Variants in PLXDC2 observed in about 807,000 individuals in gnomAD.
The protein encoded by PLXDC2 is plexin domain containing 2.
Under a neutral mutation model 68.9 loss-of-function variants are expected in PLXDC2, and 40 were observed. That is an observed-to-expected ratio of 0.58 (90% CI 0.45 to 0.76). The LOEUF (loss-of-function observed/expected upper bound fraction) is 0.76. PLXDC2 is among the 30% of genes least tolerant of loss of function. The pLI is 0.00. For synonymous variants in PLXDC2, 243 were observed against 234.2 expected (o/e 1.04, Z -0.34); for missense variants, 644 against 661.9 (o/e 0.97, Z 0.30).
chr10:20,202,735 G>A (rs1427773865), intron 9 of PLXDC2, among the ~76,000 whole-genome samples: 1 of 152,080 alleles, frequency 6.6e-6, no homozygotes, highest in Non-Finnish European at 1.5e-5. Context: ...ATTTTCAAAT[G>A]AATGAATACT....
At position 20,164,476 on chromosome 10, in the gene PLXDC2, C is replaced by CA; in HGVS notation, c.792_793insA (p.Leu265IlefsTer39). On this transcript the variant is annotated frameshift_variant, in exon 7 of 14. Transcript: ENST00000377252. LOFTEE classifies it high-confidence loss of function. ...GCTTTGTTTTTTTCCAGATTCCTGT[C>CA]TTGGTCACACAGATAAGTTCAACCA... The CA allele has an allele frequency of 6.2e-7, 1 of 1,612,414 alleles. No individual in the cohort carries two copies. Among genetic ancestry groups the CA allele is most frequent in the South Asian group, 1.1e-5 (1 of 91,054 alleles).
Position 20,009,649 on chromosome 10 carries a change from T to C in PLXDC2, c.324+7663T>C, listed in dbSNP as rs1046935289. Among the ~76,000 whole-genome samples, 5 of 150,974 alleles carry C rather than the reference T, an allele frequency of 3.3e-5. No individual in the cohort carries two copies. The Admixed American group carries it at 3.3e-4, about 10-fold the overall frequency. ...TAGGCAGAAGGAGACCTTTGTTCTGTAGAGAGGCAGGATTAATGCAGTGAT... is the reference window on the plus strand; with the variant it reads ...TAGGCAGAAGGAGACCTTTGTTCTGCAGAGAGGCAGGATTAATGCAGTGAT... On this transcript the variant is annotated intron_variant, in intron 2 of 13. Coordinates refer to ENST00000377252, the MANE Select transcript of PLXDC2 (RefSeq NM_032812.9).
intron 12 of PLXDC2, among the ~76,000 whole-genome samples, chr10:20,219,822 T>G (rs569461176): frequency 6.6e-6 from 1 of 152,274 alleles, no homozygotes; most frequent in South Asian, 2.1e-4. Context: ...GCAGCATCTT[T>G]ATGTAAATGT....
intron 2 of PLXDC2, among the ~76,000 whole-genome samples, chr10:20,037,530 T>C (rs1314795901): frequency 6.6e-6 from 1 of 152,148 alleles, no homozygotes; most frequent in Non-Finnish European, 1.5e-5. Context: ...GAAATAGTCT[T>C]TGGGGCTCAT....
intron 4 of PLXDC2, among the ~76,000 whole-genome samples, chr10:20,090,053 G>A (rs1215770961): frequency 6.6e-6 from 1 of 152,136 alleles, no homozygotes; most frequent in Admixed American, 6.6e-5. Flanking sequence ...TGTCAAGGAA[G>A]CTGGCTCACC....
chr10:19,816,839 G>T lies in PLXDC2; in HGVS notation c.-241G>T. ...GGTTGTTGTTCAGTGTCGGGTGAGG[G>T]CTGCGAGTGTGGCAAGTTGCAAAGA... On this transcript the variant is annotated 5_prime_UTR_variant, in exon 1 of 14. Transcript: ENST00000377252. 3.5e-6 allele frequency: 2 copies of T among 572,190 alleles called. No individual in the cohort carries two copies. The highest frequency in any genetic ancestry group is 4.3e-5 in the South Asian group (2 of 46,778). The allele number at this position is 572,190 out of a possible 1,614,324, so 35.4% of individuals were successfully genotyped here. A position where few individuals can be genotyped will look rare whatever the true frequency, so the allele number is the denominator to read the frequency against.
chr10:20,025,836 C>G (rs774123795), intron 2 of PLXDC2, among the ~76,000 whole-genome samples: 69 of 151,944 alleles, frequency 4.5e-4, no homozygotes, highest in Non-Finnish European at 3.2e-4. Context: ...TTGTTTTCCC[C>G]TCCAGATTAT....
At chr10:19,925,760 C>A (rs892488800) in intron 1 of PLXDC2, among the ~76,000 whole-genome samples, 2 of 152,152 alleles carry the variant, frequency 1.3e-5, no homozygotes, top group Non-Finnish European at 1.5e-5. Flanking sequence ...TAGAATCTGC[C>A]CATGCCAAGG....
intron 13 of PLXDC2, among the ~76,000 whole-genome samples, chr10:20,263,138 T>C (rs927790887): frequency 6.6e-6 from 1 of 152,178 alleles, no homozygotes; most frequent in Admixed American, 6.6e-5. Context: ...CAAAACAGTA[T>C]GGTACTGATA....
chr10:19,966,931 T>C (rs1834273226), intron 1 of PLXDC2, among the ~76,000 whole-genome samples: 1 of 152,156 alleles, frequency 6.6e-6, no homozygotes, highest in South Asian at 2.1e-4. Flanking sequence ...TGGTGCTGGG[T>C]CGCTGTTTCC....
At chr10:20,139,777 T>G (rs1833976982) in intron 4 of PLXDC2, among the ~76,000 whole-genome samples, 1 of 149,954 alleles carries the variant, frequency 6.7e-6, no homozygotes, top group Non-Finnish European at 1.5e-5. Flanking sequence ...CACTGCATGT[T>G]CTCATTCATA....
Position 20,286,349 on chromosome 10 carries a change from T to C in PLXDC2, c.*6530T>C, listed in dbSNP as rs1836152552. 6.6e-6 allele frequency: 1 copy of C among 152,222 alleles called. No homozygotes were observed. The highest frequency in any genetic ancestry group is 6.5e-5 in the Admixed American group (1 of 15,284). The allele number at this position is 152,222 out of a possible 1,614,324, so 9.4% of individuals were successfully genotyped here. ...TAACATTTGCAAATTACTCAATAAA[T>C]GTCTTTCATAATGGAATAACATAAA... On this transcript the variant is annotated 3_prime_UTR_variant, in exon 14 of 14. Coordinates refer to ENST00000377252, the MANE Select transcript of PLXDC2 (RefSeq NM_032812.9).
At chr10:19,935,924 A>C (rs950320532) in intron 1 of PLXDC2, among the ~76,000 whole-genome samples, 2 of 152,184 alleles carry the variant, frequency 1.3e-5, no homozygotes, top group African/African-American at 4.8e-5. Flanking sequence ...TGTTACTGCT[A>C]TTCCTAGTAG....
chr10:20,143,170 C>A, intron 4 of PLXDC2, 125 bp from the exon 5 acceptor site: 1 of 1,012,038 alleles, frequency 9.9e-7, no homozygotes, highest in Non-Finnish European at 1.4e-6. Context: ...AAATATGTTC[C>A]TTTTTTTCCA....
intron 6 of PLXDC2, among the ~76,000 whole-genome samples, chr10:20,150,552 A>T (rs1250536429): frequency 6.6e-6 from 1 of 152,170 alleles, no homozygotes; most frequent in Non-Finnish European, 1.5e-5. Context: ...GGACTTATTC[A>T]TTTCTAGTTT....
intron 1 of PLXDC2, among the ~76,000 whole-genome samples, chr10:19,864,911 T>G (rs552821499): frequency 1.3e-5 from 2 of 151,934 alleles, no homozygotes; most frequent in East Asian, 3.9e-4. Context: ...TTTGGGAGGG[T>G]AAGTGAGAGT....
rs2131988794 is a variant in PLXDC2 at position 19,816,531 on chromosome 10, A to C, written c.-549A>C. On this transcript the variant is annotated 5_prime_UTR_variant, in exon 1 of 14. Transcript: ENST00000377252. The stretch of plus-strand genomic sequence containing the variant: ...GCGCGCCCTGCGTCGGGCGAAGAAA[A>C]GAAGCAAAACTTGTCGGGAGGGTTT... 1 of 154,470 alleles carries C rather than the reference A, an allele frequency of 6.5e-6. No individual in the cohort carries two copies. Among genetic ancestry groups the C allele is most frequent in the South Asian group, 2.0e-4 (1 of 4,966 alleles). The allele number at this position is 154,470 out of a possible 1,614,324, so 9.6% of individuals were successfully genotyped here. A position where few individuals can be genotyped will look rare whatever the true frequency, so the allele number is the denominator to read the frequency against.
chr10:19,871,644 C>G (rs1373237719), intron 1 of PLXDC2, among the ~76,000 whole-genome samples: 1 of 152,068 alleles, frequency 6.6e-6, no homozygotes, highest in Non-Finnish European at 1.5e-5. Context: ...CTTTGGGAGG[C>G]TGAGGCAAGT....
At chr10:20,168,111 GAAATAC>G (rs1373446279) in intron 7 of PLXDC2, among the ~76,000 whole-genome samples, 1 of 152,004 alleles carries the variant, frequency 6.6e-6, no homozygotes. Flanking sequence ...GTTTACAAGA[GAAATAC>G]CTTTGCTCCC....
Sources: allele counts gnomAD v4.1 joint callset (sites outside exome capture counted in the v4.1 genomes callset), GRCh38; gene constraint gnomAD v4.1.1; transcripts MANE v1.5; gene names NCBI Gene and HGNC (gene_info 2026-07-23, HGNC 2026-07-21).